The following PAEP variants were observed in gnomAD, a reference collection of about 807,000 sequenced individuals.
The protein encoded by PAEP is glycodelin.
Under a neutral mutation model 23.0 loss-of-function variants are expected in PAEP, and 28 were observed. That is an observed-to-expected ratio of 1.22 (90% CI 0.90 to 1.67). The LOEUF is 1.67. PAEP is among the 40% of genes most tolerant of loss of function. PAEP has a pLI of 0.00. For missense variants in PAEP, 209 were observed against 226.4 expected, an observed-to-expected ratio of 0.92 and a Z score of 0.49; for synonymous variants, 103 against 92.4, an observed-to-expected ratio of 1.12 and a Z score of -0.66.
In PAEP at chr9:135,562,337, TCTCC is replaced by T. The variant is rs1253631344; in HGVS notation, c.144_147del (p.Leu49TrpfsTer4). The stretch of plus-strand genomic sequence containing the variant: ...TCCATGGCCATGGCGACCAACAACA[TCTCC>T]CTCATGGCGACACTGAAGGCCCCTC... On this transcript the variant is annotated frameshift_variant, in exon 2 of 7. Coordinates refer to ENST00000479141, the MANE Select transcript of PAEP (RefSeq NM_002571.4). LOFTEE classifies it high-confidence loss of function. 6.2e-7 allele frequency: 1 copy of T among 1,613,888 alleles called. No homozygotes were observed. Among genetic ancestry groups the T allele is most frequent in the East Asian group, 2.2e-5 (1 of 44,858 alleles).
At chr9:135,563,080 G>A (rs976938378) in intron 3 of PAEP, 187 bp downstream of exon 3, 10 of 589,402 alleles carry the variant, frequency 1.7e-5, no homozygotes, top group African/African-American at 1.7e-4. Flanking sequence ...TACCTGGAGG[G>A]CAGGGGAAGC....
intron 1 of PAEP, 99 bp from the exon 2 acceptor site, chr9:135,562,195 C>G: frequency 7.3e-7 from 1 of 1,361,338 alleles, no homozygotes; most frequent in East Asian, 2.4e-5. Flanking sequence ...CCATCCAATG[C>G]TCACTGTACC....
rs969405386 is a variant in PAEP at position 135,566,866 on chromosome 9, C to G, written c.*314C>G. On this transcript the variant is annotated 3_prime_UTR_variant, in exon 7 of 7. Transcript: ENST00000479141. ...AGGCCCAGGCCACCGCCTGGCAGAA[C>G]CGGAGCTCCTACAGACCCATGGGCA... 6.5e-6 allele frequency: 1 copy of G among 153,754 alleles called. No homozygotes were observed. The highest frequency in any genetic ancestry group is 2.4e-5 in the African/African-American group (1 of 41,518). 9.5% of individuals were successfully genotyped at this position (153,754 alleles called of 1,614,324 possible).
chr9:135,562,504 G>T, intron 2 of PAEP, 71 bp downstream of exon 2: 1 of 1,552,180 alleles, frequency 6.4e-7, no homozygotes, highest in South Asian at 1.2e-5. Flanking sequence ...AGGACTGGGT[G>T]GGTTGGGCGG....
At chr9:135,562,740 G>T in intron 2 of PAEP, 80 bp from the exon 3 acceptor site, 1 of 1,206,202 alleles carries the variant, frequency 8.3e-7, no homozygotes, top group Non-Finnish European at 1.2e-6. Context: ...GGAAGTTCCC[G>T]TGGTGACCTG....
chr9:135,565,583 C>T (rs1169672362), intron 5 of PAEP, 69 bp downstream of exon 5: 3 of 1,475,150 alleles, frequency 2.0e-6, no homozygotes, highest in Non-Finnish European at 1.9e-6. Context: ...GCCCGAGCCC[C>T]CTGCTGGCTC....
Position 135,562,905 on chromosome 9 carries a change from C to A in PAEP, c.310+12C>A. 1 of 1,609,202 alleles carries A rather than the reference C, an allele frequency of 6.2e-7. No homozygotes were observed. Among genetic ancestry groups the A allele is most frequent in the South Asian group, 1.1e-5 (1 of 90,938 alleles). ...GTTCAAGATCAACTGTGAGTGTCCC[C>A]AGGCCCCAAGGGCTGGCTCAGTGCT... On this transcript the variant is annotated intron_variant, in intron 3 of 6. Transcript: ENST00000479141.
chr9:135,564,795 C>T, intron 4 of PAEP: 6 of 985,296 alleles, frequency 6.1e-6, no homozygotes, highest in East Asian at 1.1e-4. Context: ...TGAGCCACCA[C>T]GCCCGGCCAG....
rs1207635245 is a variant in PAEP at position 135,561,845 on chromosome 9, G to T, written c.44G>T (p.Gly15Val). Residue 15 changes from glycine to valine, a missense_variant, in exon 1 of 7, where the codon GGT becomes GTT. Coordinates refer to ENST00000479141, the MANE Select transcript of PAEP (RefSeq NM_002571.4). ...ACCCTGGGCGTGGCCCTGGTCTGTG[G>T]TGTCCCGGCCATGGACATCCCCCAG... is the stretch of plus-strand genomic sequence containing the variant. The part of the protein sequence containing the change: ...LLTLGVALVC[G>V]VPAMDIPQTK... 9 of 1,566,124 alleles carry T rather than the reference G, an allele frequency of 5.7e-6. No homozygotes were observed. Among genetic ancestry groups the T allele is most frequent in the Non-Finnish European group, 7.8e-6 (9 of 1,154,664 alleles).
rs1588172268 is a variant in PAEP, at chr9:135,562,910, C to T, written c.310+17C>T. On this transcript the variant is annotated intron_variant, in intron 3 of 6. Coordinates refer to ENST00000479141, the MANE Select transcript of PAEP (RefSeq NM_002571.4). ...AGATCAACTGTGAGTGTCCCCAGGC[C>T]CCAAGGGCTGGCTCAGTGCTGGCAT... is the stretch of plus-strand genomic sequence containing the variant. The T allele has an allele frequency of 6.2e-7, 1 of 1,604,968 alleles. No individual in the cohort carries two copies. Among genetic ancestry groups the T allele is most frequent in the Non-Finnish European group, 8.5e-7 (1 of 1,171,728 alleles).
intron 3 of PAEP, among the ~76,000 whole-genome samples, chr9:135,563,209 AGCAGGTGGGCAGGTGG>A (rs1048343753): frequency 1.3e-5 from 2 of 152,132 alleles, no homozygotes; most frequent in African/African-American, 2.4e-5. Context: ...GCTGCAGGCG[AGCAGGTGGGCAGGTGG>A]GCAGGTGGGT....
intron 4 of PAEP, chr9:135,564,781 G>A (rs1014942068): frequency 1.0e-6 from 1 of 985,032 alleles, no homozygotes; most frequent in African/African-American, 1.7e-5. Flanking sequence ...TGGGATTACA[G>A]GCGTGAGCCA....
chr9:135,565,850 C>T lies in PAEP; in HGVS notation c.*49C>T, dbSNP rs1220888411. On this transcript the variant is annotated intron_variant, in intron 6 of 6. Transcript: ENST00000479141. ...TCCTGGGTAATGTATCAGCCTCGCCCACTGTCTGCGGCTGCCTCTCTGGGC... is the reference window on the plus strand; with the variant it reads ...TCCTGGGTAATGTATCAGCCTCGCCTACTGTCTGCGGCTGCCTCTCTGGGC... 2.5e-6 allele frequency: 4 copies of T among 1,609,736 alleles called. No individual in the cohort carries two copies. The South Asian group carries it at 3.3e-5, about 13-fold the overall frequency.
rs201367591 is a variant in PAEP at position 135,561,776 on chromosome 9, G to A, written c.-26G>A. The A allele has an allele frequency of 1.6e-4, 239 of 1,523,028 alleles. No individual in the cohort carries two copies. The highest frequency in any genetic ancestry group is 2.0e-4 in the Non-Finnish European group (221 of 1,123,456). 94.3% of individuals were successfully genotyped at this position (1,523,028 alleles called of 1,614,324 possible). ...GCCTCAGCATCCCTCTGGCTCCAGA[G>A]CTCAGAGCCACCCACAGCCGCAGCC... On this transcript the variant is annotated 5_prime_UTR_variant, in exon 1 of 7. Coordinates refer to ENST00000479141, the MANE Select transcript of PAEP (RefSeq NM_002571.4).
rs192060156 is a variant in PAEP, at chr9:135,566,791, G to A, written c.*239G>A. 4.8e-3 allele frequency: 748 copies of A among 155,000 alleles called. 3 individuals are homozygous for A. Among genetic ancestry groups the A allele is most frequent in the Middle Eastern group, 0.011 (21 of 1,920 alleles). The allele number at this position is 155,000 out of a possible 1,614,324, so 9.6% of individuals were successfully genotyped here. ...CTTGGAGCATGTCCTGTCTGGATGCGCAGCCACTGCTGGGTGTGGGATTCA... is the reference window on the plus strand; with the variant it reads ...CTTGGAGCATGTCCTGTCTGGATGCACAGCCACTGCTGGGTGTGGGATTCA... On this transcript the variant is annotated 3_prime_UTR_variant, in exon 7 of 7. Transcript: ENST00000479141.
At position 135,563,504 on chromosome 9, in the gene PAEP, GAACA is replaced by G. The variant is rs201216150; in HGVS notation, c.310+612_310+615del. Among the ~76,000 whole-genome samples, 999 of 145,996 alleles carry G rather than the reference GAACA, an allele frequency of 6.8e-3. 7 individuals carry two copies. Among genetic ancestry groups the G allele is most frequent in the African/African-American group, 0.016 (640 of 39,378 alleles). On this transcript the variant is annotated intron_variant, in intron 3 of 6. Coordinates refer to ENST00000479141, the MANE Select transcript of PAEP (RefSeq NM_002571.4). ...TTGGTAGGTGGGCAGGTGGGTAGGT[GAACA>G]GGTGGGCAGGTGGGCAGGTGGGCAG...
chr9:135,562,501 G>T lies in PAEP; in HGVS notation c.236+68G>T, dbSNP rs187575341. ...CTCCCCCCTCAGGGGTCCAGGACTG[G>T]GTGGGTTGGGCGGAGCTGGACTTAG... is the stretch of plus-strand genomic sequence containing the variant. On this transcript the variant is annotated intron_variant, in intron 2 of 6. Coordinates refer to ENST00000479141, the MANE Select transcript of PAEP (RefSeq NM_002571.4). 3.6e-4 allele frequency: 561 copies of T among 1,561,076 alleles called. 1 individual carries two copies. Among genetic ancestry groups the T allele is most frequent in the African/African-American group, 2.3e-3 (169 of 73,780 alleles).
intron 3 of PAEP, 71 bp downstream of exon 3, chr9:135,562,964 T>A (rs1344362494): frequency 9.9e-6 from 12 of 1,207,678 alleles, no homozygotes; most frequent in Non-Finnish European, 1.4e-5. Context: ...GAGGCGGCTC[T>A]GCTGGGGCAT....
chr9:135,565,943 T>C (rs1189005459), intron 6 of PAEP, 142 bp downstream of exon 6: 1 of 921,052 alleles, frequency 1.1e-6, no homozygotes. Context: ...GGTCTGGTCT[T>C]GTGATTCCAG....
Sources: allele counts gnomAD v4.1 joint callset (sites outside exome capture counted in the v4.1 genomes callset), GRCh38; gene constraint gnomAD v4.1.1; transcripts MANE v1.5; gene names NCBI Gene and HGNC (gene_info 2026-07-23, HGNC 2026-07-21).